Variants in MANBA observed in about 807,000 individuals in gnomAD.
MANBA encodes beta-mannosidase.
Under a neutral mutation model 111.1 loss-of-function variants are expected in MANBA, and 83 were observed. The observed-to-expected ratio is 0.75, with a 90% confidence interval of 0.63 to 0.90. MANBA has a LOEUF of 0.90. Among genes scored for constraint, MANBA ranks in the 40% least tolerant of loss-of-function variants. The pLI, the probability that MANBA is intolerant of heterozygous loss-of-function variation, is 0.00. For synonymous variants in MANBA, 370 were observed against 378.7 expected (o/e 0.98, Z 0.27); for missense variants, 1,036 against 1,069.0 (o/e 0.97, Z 0.43).
At chr4:102,637,682 C>A (rs977472796) in intron 14 of MANBA, among the ~76,000 whole-genome samples, 2 of 152,176 alleles carry the variant, frequency 1.3e-5, no homozygotes, top group African/African-American at 4.8e-5. Flanking sequence ...CACACCCCAG[C>A]CTCACAGGGA....
At chr4:102,636,510 T>G (rs1220840592) in intron 14 of MANBA, among the ~76,000 whole-genome samples, 1 of 152,224 alleles carries the variant, frequency 6.6e-6, no homozygotes. Context: ...TGACTGTATA[T>G]AATAACTTAT....
At chr4:102,688,857 T>C (rs763119869) in intron 7 of MANBA, among the ~76,000 whole-genome samples, 1 of 152,118 alleles carries the variant, frequency 6.6e-6, no homozygotes, top group Non-Finnish European at 1.5e-5. Flanking sequence ...AGGAAATAAA[T>C]AAAAGTTAAA....
intron 14 of MANBA, among the ~76,000 whole-genome samples, chr4:102,637,890 C>G (rs749487300): frequency 6.6e-6 from 1 of 152,186 alleles, no homozygotes; most frequent in African/African-American, 2.4e-5. Context: ...GTCAGAAGTT[C>G]TAGAGGCCCA....
In MANBA at chr4:102,634,857, C is replaced by A. The variant is rs1729547013; in HGVS notation, c.2346G>T (p.Leu782=). 1.2e-6 allele frequency: 2 copies of A among 1,614,206 alleles called. No individual in the cohort carries two copies. ...SFYLSADHEL[L]SPTNYHFLSS... The stretch of plus-strand genomic sequence containing the variant: ...ACAAGAAGTGGTAGTTGGTCGGGCT[C>A]AGGAGTTCATGGTCAGCTGAAAGGT... Residue 782 remains leucine, a synonymous_variant, in exon 16 of 17, where the codon CTG becomes CTT. Coordinates refer to ENST00000647097, the MANE Select transcript of MANBA (RefSeq NM_005908.4).
Position 102,657,889 on chromosome 4 carries a change from A to G in MANBA, c.1497T>C (p.Ser499=). Residue 499 remains serine (S), a synonymous_variant, in exon 12 of 17, where the codon AGT becomes AGC. Coordinates refer to ENST00000647097, the MANE Select transcript of MANBA (RefSeq NM_005908.4). ...TAGGACTGGACGTAATAAAAGGACGACTCTTGTCTCCCTGAGTTCAGAAAT... is the reference window on the plus strand; with the variant it reads ...TAGGACTGGACGTAATAAAAGGACGGCTCTTGTCTCCCTGAGTTCAGAAAT... ...IRELVLAGDK[S]RPFITSSPTN... 2.5e-6 allele frequency: 4 copies of G among 1,607,130 alleles called. No individual in the cohort carries two copies. The highest frequency in any genetic ancestry group is 3.4e-6 in the Non-Finnish European group (4 of 1,173,754).
chr4:102,710,683 A>G (rs1578926703), intron 5 of MANBA, among the ~76,000 whole-genome samples: 1 of 152,140 alleles, frequency 6.6e-6, no homozygotes, highest in Non-Finnish European at 1.5e-5. Context: ...ATATGGAACC[A>G]AAAAAGAGCT....
chr4:102,654,485 C>A (rs559108928), intron 12 of MANBA, among the ~76,000 whole-genome samples: 1 of 152,040 alleles, frequency 6.6e-6, no homozygotes, highest in Non-Finnish European at 1.5e-5. Flanking sequence ...TGTGTATAAG[C>A]AAATTATAGT....
chr4:102,700,890 C>A (rs925423554), intron 5 of MANBA, among the ~76,000 whole-genome samples: 6 of 152,096 alleles, frequency 3.9e-5, no homozygotes, highest in Admixed American at 3.9e-4. Context: ...TGGTGCAGAG[C>A]TGAGTTCAAT....
chr4:102,671,162 C>T (rs898431631), intron 9 of MANBA, 119 bp downstream of exon 9: 12 of 754,300 alleles, frequency 1.6e-5, no homozygotes, highest in Non-Finnish European at 2.7e-5. Context: ...ATTCCTATAG[C>T]CCCAAATGGA....
intron 4 of MANBA, among the ~76,000 whole-genome samples, chr4:102,716,151 A>T (rs1722320127): frequency 6.6e-6 from 1 of 151,870 alleles, no homozygotes; most frequent in Non-Finnish European, 1.5e-5. Flanking sequence ...CTCTACTAAA[A>T]ATACAAAATT....
chr4:102,709,403 A>AAAAG (rs1175545764), intron 5 of MANBA, among the ~76,000 whole-genome samples: 13 of 101,376 alleles, frequency 1.3e-4, no homozygotes, highest in African/African-American at 3.5e-4. Context: ...AGAAAGAAAA[A>AAAAG]AAAGAAAGAA....
intron 1 of MANBA, among the ~76,000 whole-genome samples, chr4:102,744,593 C>T (rs530518727): frequency 2.0e-5 from 3 of 152,298 alleles, no homozygotes; most frequent in East Asian, 3.9e-4. Context: ...TGGCTGCATA[C>T]CAGGTACCAG....
chr4:102,716,234 G>A lies in MANBA; in HGVS notation c.550-1673C>T, dbSNP rs555332770. Reference sequence around the variant, plus strand: ...TCAGGCAGGAGAATCGCTTGAACCCGGGAGGCGGAGGTTATAGTGAGTTGA... The same window carrying A: ...TCAGGCAGGAGAATCGCTTGAACCCAGGAGGCGGAGGTTATAGTGAGTTGA... On this transcript the variant is annotated intron_variant, in intron 4 of 16. Coordinates refer to ENST00000647097, the MANE Select transcript of MANBA (RefSeq NM_005908.4). 4.7e-5 allele frequency among the ~76,000 whole-genome samples: 7 copies of A among 149,800 alleles called. No individual in the cohort carries two copies. The East Asian group carries it at 7.8e-4, about 17-fold the overall frequency.
intron 5 of MANBA, among the ~76,000 whole-genome samples, chr4:102,709,791 G>A (rs1447321147): frequency 6.6e-6 from 1 of 152,080 alleles, no homozygotes; most frequent in Non-Finnish European, 1.5e-5. Context: ...AACTCCAACA[G>A]TATATCAAAA....
chr4:102,669,148 T>C, intron 9 of MANBA, 99 bp from the exon 10 acceptor site: 1 of 960,222 alleles, frequency 1.0e-6, no homozygotes, highest in Non-Finnish European at 1.6e-6. Context: ...TTCACACAAA[T>C]GAAAAATCCA....
chr4:102,642,378 T>C (rs1044070564), intron 13 of MANBA, among the ~76,000 whole-genome samples: 4 of 152,070 alleles, frequency 2.6e-5, no homozygotes, highest in Middle Eastern at 3.2e-3. Context: ...GAGGCTGGGG[T>C]GGGTGAATCA....
intron 16 of MANBA, among the ~76,000 whole-genome samples, chr4:102,633,741 G>A (rs913070892): frequency 6.6e-6 from 1 of 151,218 alleles, no homozygotes; most frequent in Non-Finnish European, 1.5e-5. Flanking sequence ...AAAATCATAA[G>A]TTTAGAGACT....
At chr4:102,751,588 G>T in intron 1 of MANBA, 2 of 538,830 alleles carry the variant, frequency 3.7e-6, no homozygotes, top group Non-Finnish European at 7.6e-6. Context: ...CAGTTTCTGC[G>T]AATGTCCTTG....
In MANBA at chr4:102,729,702, T is replaced by C. The variant is rs1722956907; in HGVS notation, c.178-3019A>G. The C allele has an allele frequency of 2.8e-5, 43 of 1,555,800 alleles. No individual in the cohort carries two copies. In the South Asian group the frequency reaches 4.7e-4, roughly 17 times the overall value. On this transcript the variant is annotated intron_variant, in intron 1 of 16. Coordinates refer to ENST00000647097, the MANE Select transcript of MANBA (RefSeq NM_005908.4). Reference sequence around the variant, plus strand: ...AAGCTCCGCCTCCAGCTTCAGCTTCTCCTGGCCCAGAGTCTTCAGCTGCTG... The same window carrying C: ...AAGCTCCGCCTCCAGCTTCAGCTTCCCCTGGCCCAGAGTCTTCAGCTGCTG...
Sources: gnomAD v4.1 joint callset for allele counts (sites outside exome capture counted in the v4.1 genomes callset) on GRCh38, gnomAD v4.1.1 for gene constraint, MANE v1.5 for transcripts, NCBI Gene and HGNC (gene_info 2026-07-23, HGNC 2026-07-21) for gene names.